DOCK3: variants seen among roughly 807,000 people sequenced by gnomAD.
DOCK3 encodes dedicator of cytokinesis protein 3.
Under a neutral mutation model 265.6 loss-of-function variants are expected in DOCK3, and 60 were observed. That is an observed-to-expected ratio of 0.23 (90% CI 0.18 to 0.28). DOCK3 has a LOEUF of 0.28. Among genes scored for constraint, DOCK3 ranks in the 10% least tolerant of loss-of-function variants. The pLI is 1.00. For synonymous variants in DOCK3, 881 were observed against 938.0 expected (o/e 0.94, Z 1.11); for missense variants, 1,981 against 2,594.3 (o/e 0.76, Z 5.14).
rs778065692 is a variant in DOCK3, at chr3:50,934,095, G to A, written c.315+18G>A. The A allele has an allele frequency of 1.3e-6, 2 of 1,543,046 alleles. No homozygotes were observed. Among genetic ancestry groups the A allele is most frequent in the South Asian group, 1.2e-5 (1 of 84,454 alleles). On this transcript the variant is annotated intron_variant, in intron 5 of 52. Transcript: ENST00000266037. ...TGTATGTGGTAAGTAGTTGATTACT[G>A]GTTTATTGGATCATTAAAGTTTAGT...
chr3:50,681,834 A>G (rs1375332192), intron 1 of DOCK3, among the ~76,000 whole-genome samples: 2 of 152,246 alleles, frequency 1.3e-5, no homozygotes, highest in African/African-American at 2.4e-5. Flanking sequence ...CCAACATGAT[A>G]GAAGAATTAG....
At chr3:50,852,281 C>G (rs1009983724) in intron 3 of DOCK3, among the ~76,000 whole-genome samples, 1 of 152,170 alleles carries the variant, frequency 6.6e-6, no homozygotes, top group Non-Finnish European at 1.5e-5. Flanking sequence ...TTCCAAATGG[C>G]TAAGGCATGC....
intron 2 of DOCK3, among the ~76,000 whole-genome samples, chr3:50,836,667 T>C (rs2045530969): frequency 6.6e-6 from 1 of 152,176 alleles, no homozygotes. Context: ...CAGAGACACT[T>C]TCCTCATTGT....
chr3:50,828,914 A>G (rs1023915167), intron 2 of DOCK3, among the ~76,000 whole-genome samples: 2 of 151,622 alleles, frequency 1.3e-5, no homozygotes, highest in Non-Finnish European at 2.9e-5. Context: ...GGGTTTCACC[A>G]TGTTGGTCAG....
chr3:50,816,014 G>A (rs575235521), intron 2 of DOCK3, among the ~76,000 whole-genome samples: 9 of 151,876 alleles, frequency 5.9e-5, no homozygotes, highest in Non-Finnish European at 1.0e-4. Context: ...GGAATCTTCT[G>A]TGTTCAGGAA....
chr3:50,764,381 A>C (rs1307117765), intron 1 of DOCK3, among the ~76,000 whole-genome samples: 1 of 152,196 alleles, frequency 6.6e-6, no homozygotes, highest in Admixed American at 6.5e-5. Flanking sequence ...TATTATAGGC[A>C]TACAGAATTT....
chr3:51,249,129 C>T (rs2079014987), intron 22 of DOCK3, among the ~76,000 whole-genome samples: 2 of 148,952 alleles, frequency 1.3e-5, no homozygotes, highest in East Asian at 2.1e-4. Context: ...GCCAGGCCAG[C>T]CGCCCCGTCC....
chr3:51,016,502 TAA>T (rs1491218365), intron 5 of DOCK3, among the ~76,000 whole-genome samples: 1 of 97,378 alleles, frequency 1.0e-5, no homozygotes, highest in African/African-American at 4.5e-5. Context: ...TATTTCTACA[TAA>T]TATATATATC....
intron 5 of DOCK3, among the ~76,000 whole-genome samples, chr3:51,008,556 C>A (rs1443925550): frequency 1.3e-5 from 2 of 152,170 alleles, no homozygotes; most frequent in Non-Finnish European, 2.9e-5. Flanking sequence ...TCCAAATATA[C>A]AATCATGTCG....
At chr3:51,163,259 C>G (rs976375111) in intron 12 of DOCK3, among the ~76,000 whole-genome samples, 1 of 152,152 alleles carries the variant, frequency 6.6e-6, no homozygotes, top group Admixed American at 6.6e-5. Flanking sequence ...TGTTCACATT[C>G]TTATCATTTC....
chr3:51,131,324 T>A (rs1359166488), intron 9 of DOCK3, among the ~76,000 whole-genome samples: 1 of 152,114 alleles, frequency 6.6e-6, no homozygotes, highest in Non-Finnish European at 1.5e-5. Flanking sequence ...TCAGAGCCAG[T>A]GTCTAGTAGT....
chr3:50,881,909 A>C (rs1189984327), intron 3 of DOCK3, among the ~76,000 whole-genome samples: 1 of 152,226 alleles, frequency 6.6e-6, no homozygotes, highest in African/African-American at 2.4e-5. Context: ...TACTGGGACC[A>C]AAACAGAGAT....
At chr3:51,339,728 A>AT (rs2085112163) in intron 37 of DOCK3, among the ~76,000 whole-genome samples, 1 of 152,190 alleles carries the variant, frequency 6.6e-6, no homozygotes, top group African/African-American at 2.4e-5. Flanking sequence ...GTCCTATCTG[A>AT]TTGACTTATG....
chr3:51,238,119 C>CCTTTTTTTTTTTTTTTTT (rs2078430437), intron 21 of DOCK3, among the ~76,000 whole-genome samples: 1 of 47,438 alleles, frequency 2.1e-5, no homozygotes, highest in Non-Finnish European at 3.7e-5. Context: ...ATATTTACCA[C>CCTTTTTTTTTTTTTTTTT]TTTTTTTTTT....
At chr3:51,162,850 G>T (rs1159146456) in intron 12 of DOCK3, among the ~76,000 whole-genome samples, 1 of 151,926 alleles carries the variant, frequency 6.6e-6, no homozygotes, top group Non-Finnish European at 1.5e-5. Flanking sequence ...GTTCTAAAAA[G>T]ATGAAAAAAA....
Position 51,025,270 on chromosome 3 carries a change from G to C in DOCK3, c.316-39178G>C, listed in dbSNP as rs572921696. ...TAAGGCCCCTGTGAGAGACCAAGGT[G>C]GTTCTCAGGTCGCTGGGGTAATGTT... On this transcript the variant is annotated intron_variant, in intron 5 of 52. Transcript: ENST00000266037. Among the ~76,000 whole-genome samples the C allele has an allele frequency of 2.6e-5, 4 of 152,270 alleles. No homozygotes were observed. The South Asian group carries it at 6.2e-4, about 24-fold the overall frequency.
At chr3:50,779,104 C>T (rs1268684386) in intron 2 of DOCK3, among the ~76,000 whole-genome samples, 1 of 151,966 alleles carries the variant, frequency 6.6e-6, no homozygotes, top group Non-Finnish European at 1.5e-5. Flanking sequence ...TTTTGTGTTG[C>T]AAAGGTTCCA....
At chr3:51,107,576 G>A (rs1006359197) in intron 9 of DOCK3, among the ~76,000 whole-genome samples, 7 of 152,168 alleles carry the variant, frequency 4.6e-5, no homozygotes, top group African/African-American at 1.7e-4. Context: ...AATAGACCAA[G>A]CTGAGGAGAG....
intron 18 of DOCK3, 112 bp downstream of exon 18, chr3:51,228,944 A>G: frequency 7.6e-7 from 1 of 1,319,424 alleles, no homozygotes; most frequent in Non-Finnish European, 1.0e-6. Context: ...TGCCATAATA[A>G]TGGGCTTCTT....
Sources: gnomAD v4.1 joint callset for allele counts (sites outside exome capture counted in the v4.1 genomes callset) on GRCh38, gnomAD v4.1.1 for gene constraint, MANE v1.5 for transcripts, NCBI Gene and HGNC (gene_info 2026-07-23, HGNC 2026-07-21) for gene names.